TPD52: variants seen among roughly 807,000 people sequenced by gnomAD.
The protein encoded by TPD52 is tumor protein D52, also known as prostate and colon associated protein.
In TPD52, 17 loss-of-function variants were observed where a neutral mutation model predicts 31.3. The ratio of observed to expected loss-of-function variants is 0.54; its 90% CI spans 0.37 to 0.82. The LOEUF (loss-of-function observed/expected upper bound fraction) is 0.82. TPD52 is among the 40% of genes least tolerant of loss of function. The probability of loss-of-function intolerance (pLI) is 0.00; values close to 1 mark genes in which losing one functional copy is unlikely to be tolerated. For missense variants in TPD52, 212 were observed against 240.1 expected, an observed-to-expected ratio of 0.88 and a Z score of 0.77; for synonymous variants, 83 against 89.6, an observed-to-expected ratio of 0.93 and a Z score of 0.42.
intron 1 of TPD52, among the ~76,000 whole-genome samples, chr8:80,148,022 T>C (rs1810321471): frequency 6.6e-6 from 1 of 152,146 alleles, no homozygotes; most frequent in African/African-American, 2.4e-5. Flanking sequence ...AAGATAACTA[T>C]ACTCAATTTT....
chr8:80,071,304 A>G (rs1177469312), intron 1 of TPD52, among the ~76,000 whole-genome samples: 1 of 152,150 alleles, frequency 6.6e-6, no homozygotes, highest in Non-Finnish European at 1.5e-5. Context: ...AATCACATTT[A>G]TCTTCAAAGA....
At chr8:80,095,304 T>C (rs1178450180) in intron 1 of TPD52, among the ~76,000 whole-genome samples, 1 of 152,114 alleles carries the variant, frequency 6.6e-6, no homozygotes, top group Non-Finnish European at 1.5e-5. Context: ...CTATGTGACA[T>C]TCTGGAAAAG....
intron 1 of TPD52, among the ~76,000 whole-genome samples, chr8:80,078,235 T>C (rs1294103460): frequency 1.3e-5 from 2 of 152,242 alleles, no homozygotes; most frequent in African/African-American, 4.8e-5. Context: ...GTTTGCCCCA[T>C]GATGGCATTT....
At chr8:80,109,707 CATTTATCT>C (rs1304457420) in intron 1 of TPD52, among the ~76,000 whole-genome samples, 3 of 152,062 alleles carry the variant, frequency 2.0e-5, no homozygotes, top group African/African-American at 7.2e-5. Context: ...GCGCCTGGCC[CATTTATCT>C]TTGGTAGAAA....
At chr8:80,095,008 A>G (rs1816625429) in intron 1 of TPD52, among the ~76,000 whole-genome samples, 1 of 152,130 alleles carries the variant, frequency 6.6e-6, no homozygotes, top group Non-Finnish European at 1.5e-5. Context: ...AGATCCTTCA[A>G]TTGCACTCCC....
intron 1 of TPD52, among the ~76,000 whole-genome samples, chr8:80,110,519 T>G (rs529785463): frequency 6.6e-5 from 10 of 151,546 alleles, no homozygotes; most frequent in African/African-American, 2.2e-4. Flanking sequence ...GAAACTTATA[T>G]GTAACTAACC....
At chr8:80,069,240 GA>G (rs1355243946) in intron 1 of TPD52, among the ~76,000 whole-genome samples, 2 of 152,072 alleles carry the variant, frequency 1.3e-5, no homozygotes, top group Non-Finnish European at 2.9e-5. Flanking sequence ...AAGGTGGGAG[GA>G]TCACTTGAGC....
chr8:80,122,585 C>T (rs917807534), intron 1 of TPD52, among the ~76,000 whole-genome samples: 9 of 152,132 alleles, frequency 5.9e-5, no homozygotes, highest in Admixed American at 1.3e-4. Flanking sequence ...AAAGATTAGG[C>T]AGCCTTGGGA....
chr8:80,151,226 T>C (rs1810547539), intron 1 of TPD52, among the ~76,000 whole-genome samples: 1 of 152,322 alleles, frequency 6.6e-6, no homozygotes, highest in East Asian at 1.9e-4. Flanking sequence ...TCTGCCATGA[T>C]TGTGAGGCCT....
chr8:80,119,706 A>G (rs1421915621), intron 1 of TPD52: 1 of 169,264 alleles, frequency 5.9e-6, no homozygotes, highest in East Asian at 1.8e-4. Flanking sequence ...AAAAGAATAT[A>G]TGGCCTTTAA....
intron 1 of TPD52, chr8:80,122,978 AG>A (rs1397513106): frequency 1.3e-5 from 2 of 152,406 alleles, no homozygotes; most frequent in Non-Finnish European, 2.9e-5. Context: ...ATGCCGTGGC[AG>A]AAGCAGGTCA....
At chr8:80,103,407 TC>T (rs1806885842) in intron 1 of TPD52, among the ~76,000 whole-genome samples, 2 of 152,250 alleles carry the variant, frequency 1.3e-5, no homozygotes, top group Admixed American at 1.3e-4. Flanking sequence ...TATAAAAGTT[TC>T]CCCTCTTGCC....
chr8:80,065,934 ATT>A (rs33925188), intron 1 of TPD52, among the ~76,000 whole-genome samples: 53 of 129,460 alleles, frequency 4.1e-4, no homozygotes, highest in African/African-American at 9.8e-4. Context: ...CTGGCAACAG[ATT>A]TTTTTTTTTT....
intron 1 of TPD52, among the ~76,000 whole-genome samples, chr8:80,088,815 C>T (rs1430007000): frequency 1.3e-5 from 2 of 152,170 alleles, no homozygotes; most frequent in Non-Finnish European, 2.9e-5. Context: ...GGGATGCTCA[C>T]GCAAAAGGCC....
chr8:80,170,866 C>T (rs918860727), intron 1 of TPD52, among the ~76,000 whole-genome samples: 1 of 152,210 alleles, frequency 6.6e-6, no homozygotes, highest in Non-Finnish European at 1.5e-5. Context: ...TTCCCTCAAA[C>T]CCACAGACAC....
chr8:80,138,745 T>G (rs1809615378), intron 1 of TPD52, among the ~76,000 whole-genome samples: 1 of 152,178 alleles, frequency 6.6e-6, no homozygotes, highest in Non-Finnish European at 1.5e-5. Context: ...CACCTCGCTA[T>G]TTAAGGACAC....
Position 80,081,156 on chromosome 8 carries a change from CTTT to C in TPD52, c.20-16566_20-16564del, listed in dbSNP as rs5892705. 6.3e-3 allele frequency among the ~76,000 whole-genome samples: 692 copies of C among 109,352 alleles called. 6 individuals carry two copies. Among genetic ancestry groups the C allele is most frequent in the African/African-American group, 0.024 (656 of 27,130 alleles). 71.7% of individuals were successfully genotyped at this position (109,352 alleles called of 152,430 possible). On this transcript the variant is annotated intron_variant, in intron 1 of 7. Transcript: ENST00000518937. ...TCAGACTGACTTTTCTTTTCTCTCT[CTTT>C]TTTTTTTTTTTTTTTTTTTTAGAAA... is the stretch of plus-strand genomic sequence containing the variant.
intron 1 of TPD52, among the ~76,000 whole-genome samples, chr8:80,131,189 G>GA (rs1808992934): frequency 6.6e-6 from 1 of 151,974 alleles, no homozygotes; most frequent in Non-Finnish European, 1.5e-5. Context: ...GAGATCAGGA[G>GA]AAAAAAATCA....
chr8:80,171,195 A>T, intron 1 of TPD52: 1 of 701,424 alleles, frequency 1.4e-6, no homozygotes, highest in Non-Finnish European at 2.6e-6. Flanking sequence ...TCCCCCACAC[A>T]CGCACACTCA....
Sources: gnomAD v4.1 joint callset for allele counts (sites outside exome capture counted in the v4.1 genomes callset) on GRCh38, gnomAD v4.1.1 for gene constraint, MANE v1.5 for transcripts, NCBI Gene and HGNC (gene_info 2026-07-23, HGNC 2026-07-21) for gene names.